SHC3: variants seen among roughly 807,000 people sequenced by gnomAD.
SHC3 encodes SHC adaptor protein 3.
In SHC3, 15 loss-of-function variants were observed where a neutral mutation model predicts 60.4. That is an observed-to-expected ratio of 0.25 (90% confidence interval 0.17 to 0.38). SHC3 has a LOEUF of 0.38. Among genes scored for constraint, SHC3 ranks in the 10% least tolerant of loss-of-function variants. The probability of loss-of-function intolerance (pLI) is 1.00; values close to 1 mark genes in which losing one functional copy is unlikely to be tolerated. For synonymous variants in SHC3, 294 were observed against 325.9 expected (o/e 0.90, Z 1.05); for missense variants, 677 against 786.1 (o/e 0.86, Z 1.66).
At chr9:89,145,158 G>T (rs903040452) in intron 1 of SHC3, among the ~76,000 whole-genome samples, 1 of 152,114 alleles carries the variant, frequency 6.6e-6, no homozygotes, top group Non-Finnish European at 1.5e-5. Flanking sequence ...CAGAAGAAGT[G>T]GCATGTTGGT....
chr9:89,136,892 G>A (rs1826327627), intron 1 of SHC3, among the ~76,000 whole-genome samples: 1 of 152,110 alleles, frequency 6.6e-6, no homozygotes, highest in African/African-American at 2.4e-5. Context: ...GATTTATGAA[G>A]AAAGAAGGTT....
intron 9 of SHC3, among the ~76,000 whole-genome samples, chr9:89,043,920 C>T (rs1824732151): frequency 6.6e-6 from 1 of 152,168 alleles, no homozygotes; most frequent in Non-Finnish European, 1.5e-5. Flanking sequence ...TCCCAAAGTG[C>T]TGGAATTACA....
At chr9:89,015,182 C>T (rs141468514) in intron 11 of SHC3, among the ~76,000 whole-genome samples, 374 of 152,332 alleles carry the variant, frequency 2.5e-3, no homozygotes, top group African/African-American at 8.3e-3. Context: ...ACTCAAGAAG[C>T]ATACTTATTT....
At chr9:89,097,292 G>C (rs1825719442) in intron 2 of SHC3, among the ~76,000 whole-genome samples, 2 of 152,022 alleles carry the variant, frequency 1.3e-5, no homozygotes, top group Non-Finnish European at 2.9e-5. Context: ...GTGCTCAAAG[G>C]CTTTACTTCA....
chr9:89,095,445 C>G (rs552939908), intron 2 of SHC3, among the ~76,000 whole-genome samples: 2 of 151,946 alleles, frequency 1.3e-5, no homozygotes, highest in African/African-American at 2.4e-5. Context: ...GTTGCTGGAT[C>G]GGGACGGGGA....
intron 11 of SHC3, among the ~76,000 whole-genome samples, chr9:89,032,290 G>A (rs1011184133): frequency 7.2e-5 from 11 of 152,308 alleles, no homozygotes; most frequent in South Asian, 2.1e-4. Flanking sequence ...ATGTGGGGGC[G>A]TTGGATTGTC....
chr9:89,084,344 CA>C (rs34238542), intron 2 of SHC3, among the ~76,000 whole-genome samples: 1 of 151,928 alleles, frequency 6.6e-6, no homozygotes, highest in Non-Finnish European at 1.5e-5. Flanking sequence ...AAACAGATGT[CA>C]AAAAAAGTAT....
At chr9:89,106,462 G>A (rs924124957) in intron 2 of SHC3, among the ~76,000 whole-genome samples, 5 of 152,166 alleles carry the variant, frequency 3.3e-5, no homozygotes, top group African/African-American at 9.7e-5. Context: ...TCTAGTCTCC[G>A]CCCCTTCAGT....
chr9:89,080,802 T>C (rs1825433932), intron 2 of SHC3, among the ~76,000 whole-genome samples: 1 of 149,544 alleles, frequency 6.7e-6, no homozygotes, highest in Non-Finnish European at 1.5e-5. Context: ...AGTCTTGCTC[T>C]TTCACCCAGG....
intron 1 of SHC3, among the ~76,000 whole-genome samples, chr9:89,116,521 C>T (rs1826021304): frequency 6.6e-6 from 1 of 152,118 alleles, no homozygotes; most frequent in Non-Finnish European, 1.5e-5. Context: ...TATGTGAATA[C>T]CACCAACACC....
At chr9:89,129,505 G>A (rs191948606) in intron 1 of SHC3, among the ~76,000 whole-genome samples, 1,574 of 152,272 alleles carry the variant, frequency 0.01, 12 homozygotes, top group South Asian at 0.033. Context: ...GGCAGCCAGA[G>A]AGAAAGGTCG....
intron 1 of SHC3, among the ~76,000 whole-genome samples, chr9:89,172,939 G>A (rs1237406587): frequency 1.3e-5 from 2 of 152,146 alleles, no homozygotes; most frequent in African/African-American, 4.8e-5. Flanking sequence ...GATCCAGCAG[G>A]TGTCCATCAG....
At chr9:89,036,614 G>A (rs1161725153) in intron 11 of SHC3, among the ~76,000 whole-genome samples, 1 of 152,182 alleles carries the variant, frequency 6.6e-6, no homozygotes, top group Non-Finnish European at 1.5e-5. Flanking sequence ...CGGGCCCCAG[G>A]CAGCCCACCA....
In SHC3 at chr9:89,047,006, A is replaced by T; in HGVS notation, c.963-12T>A. ...CCAGACTCTGCATTCTGTTAAAGGAAGATTTCCAAGGGCTTTAGCCAAAAG... is the reference window on the plus strand; with the variant it reads ...CCAGACTCTGCATTCTGTTAAAGGATGATTTCCAAGGGCTTTAGCCAAAAG... On this transcript the variant is annotated splice_polypyrimidine_tract_variant and intron_variant, in intron 7 of 11. Coordinates refer to ENST00000375835, the MANE Select transcript of SHC3 (RefSeq NM_016848.6). The T allele has an allele frequency of 6.5e-7, 1 of 1,545,442 alleles. No homozygotes were observed. The highest frequency in any genetic ancestry group is 8.7e-7 in the Non-Finnish European group (1 of 1,146,622).
chr9:89,052,367 T>C (rs1824876171), intron 6 of SHC3, among the ~76,000 whole-genome samples: 1 of 152,252 alleles, frequency 6.6e-6, no homozygotes, highest in Admixed American at 6.5e-5. Flanking sequence ...CATTTCTTAA[T>C]AGCCTATTGT....
intron 1 of SHC3, among the ~76,000 whole-genome samples, chr9:89,130,046 T>C (rs565286641): frequency 1.3e-5 from 2 of 151,600 alleles, no homozygotes; most frequent in South Asian, 4.2e-4. Context: ...ACACTCAAAA[T>C]AAAGGGATGG....
At chr9:89,096,353 C>T (rs1825701108) in intron 2 of SHC3, among the ~76,000 whole-genome samples, 1 of 152,190 alleles carries the variant, frequency 6.6e-6, no homozygotes, top group Non-Finnish European at 1.5e-5. Context: ...TGTGCTTTGA[C>T]TCAGCTCCCA....
At chr9:89,019,962 C>T (rs562669628) in intron 11 of SHC3, among the ~76,000 whole-genome samples, 8 of 152,218 alleles carry the variant, frequency 5.3e-5, no homozygotes, top group South Asian at 2.1e-4. Context: ...TACAAAGAAA[C>T]GAAAGCAACA....
rs545023546 is a variant in SHC3, at chr9:89,170,177, T to C, written c.474+7810A>G. Among the ~76,000 whole-genome samples the C allele has an allele frequency of 3.3e-5, 5 of 152,272 alleles. No homozygotes were observed. The East Asian group carries it at 9.7e-4, about 29-fold the overall frequency. On this transcript the variant is annotated intron_variant, in intron 1 of 11. Transcript: ENST00000375835. ...AATCCTGGGTGGTGAGGGGCTCCTG[T>C]TTGGGATTCGACATGGTACAGCACA...
Sources: gnomAD v4.1 joint callset for allele counts (sites outside exome capture counted in the v4.1 genomes callset) on GRCh38, gnomAD v4.1.1 for gene constraint, MANE v1.5 for transcripts, NCBI Gene and HGNC (gene_info 2026-07-23, HGNC 2026-07-21) for gene names.